Variants in GOLM2 observed in about 807,000 individuals in gnomAD.
GOLM2 encodes protein GOLM2.
In GOLM2, 26 loss-of-function variants were observed where a neutral mutation model predicts 55.9. The observed-to-expected ratio is 0.47, with a 90% CI of 0.34 to 0.65. The LOEUF is 0.65. GOLM2 is among the 30% of genes least tolerant of loss of function. GOLM2 has a pLI of 0.01. For synonymous variants in GOLM2, 165 were observed against 194.6 expected (o/e 0.85, Z 1.27); for missense variants, 486 against 531.8 (o/e 0.91, Z 0.85).
intron 9 of GOLM2, among the ~76,000 whole-genome samples, chr15:44,410,410 G>T (rs962611214): frequency 6.6e-6 from 1 of 151,974 alleles, no homozygotes; most frequent in East Asian, 1.9e-4. Flanking sequence ...CAGCCTGGGC[G>T]ACCCAGTGAG....
chr15:44,383,431 G>A (rs1390375715), intron 8 of GOLM2, among the ~76,000 whole-genome samples: 4 of 151,926 alleles, frequency 2.6e-5, no homozygotes. Flanking sequence ...AGTTATTTAA[G>A]TTTAGGGGTT....
intron 6 of GOLM2, among the ~76,000 whole-genome samples, chr15:44,339,922 C>T (rs952904496): frequency 7.9e-5 from 12 of 152,108 alleles, no homozygotes; most frequent in Non-Finnish European, 1.5e-4. Flanking sequence ...CGGGCATAAG[C>T]GATCTTCCCA....
At chr15:44,300,146 G>C (rs1378348788) in intron 1 of GOLM2, among the ~76,000 whole-genome samples, 14 of 148,370 alleles carry the variant, frequency 9.4e-5, no homozygotes. Flanking sequence ...GAGAGGAGGG[G>C]AGGGGAGGAG....
chr15:44,299,323 C>T (rs547731507), intron 1 of GOLM2, among the ~76,000 whole-genome samples: 40 of 150,952 alleles, frequency 2.6e-4, no homozygotes, highest in African/African-American at 8.3e-4. Context: ...GACAGAGTCT[C>T]GCTCTGTCGC....
rs1219468497 is a variant in GOLM2 at position 44,353,482 on chromosome 15, C to T, written c.802+15165C>T. Reference sequence around the variant, plus strand: ...TATATTAAAGAGATATTTGCACTCTCTTGTTTATTGCACTATTCGCAGTAG... The same window carrying T: ...TATATTAAAGAGATATTTGCACTCTTTTGTTTATTGCACTATTCGCAGTAG... On this transcript the variant is annotated intron_variant, in intron 6 of 9. Transcript: ENST00000299957. Among the ~76,000 whole-genome samples, 6 of 152,304 alleles carry T rather than the reference C, an allele frequency of 3.9e-5. 1 individual carries two copies. The East Asian group carries it at 1.2e-3, about 29-fold the overall frequency.
At position 44,326,463 on chromosome 15, in the gene GOLM2, G is replaced by T. The variant is rs1028926635; in HGVS notation, c.383-2222G>T. Among the ~76,000 whole-genome samples, 4 of 151,626 alleles carry T rather than the reference G, an allele frequency of 2.6e-5. No individual in the cohort carries two copies. The East Asian group carries it at 7.7e-4, about 29-fold the overall frequency. On this transcript the variant is annotated intron_variant, in intron 2 of 9. Coordinates refer to ENST00000299957, the MANE Select transcript of GOLM2 (RefSeq NM_138423.4). Reference sequence around the variant, plus strand: ...ATTTTTATTCTTCGTTATTGCCACAGTTATAATTCCACAATAAAATTTAGA... The same window carrying T: ...ATTTTTATTCTTCGTTATTGCCACATTTATAATTCCACAATAAAATTTAGA...
At chr15:44,360,224 G>C (rs2079227786) in intron 6 of GOLM2, among the ~76,000 whole-genome samples, 1 of 151,968 alleles carries the variant, frequency 6.6e-6, no homozygotes, top group African/African-American at 2.4e-5. Flanking sequence ...AATGTAAATG[G>C]ACTAAATGCT....
rs1483836139 is a variant in GOLM2, at chr15:44,328,674, T to G, written c.383-11T>G. 7 of 1,603,266 alleles carry G rather than the reference T, an allele frequency of 4.4e-6. No individual in the cohort carries two copies. Among genetic ancestry groups the G allele is most frequent in the Non-Finnish European group, 6.0e-6 (7 of 1,172,710 alleles). On this transcript the variant is annotated splice_polypyrimidine_tract_variant and intron_variant, in intron 2 of 9. Transcript: ENST00000299957. ...AACTTGATTCCTTTGGTTCTTACCT[T>G]GGGTGGATAGAGCAACTTGCTGAGC... is the stretch of plus-strand genomic sequence containing the variant.
At chr15:44,413,088 C>A (rs189983034) in intron 9 of GOLM2, among the ~76,000 whole-genome samples, 2 of 151,676 alleles carry the variant, frequency 1.3e-5, no homozygotes, top group Non-Finnish European at 2.9e-5. Flanking sequence ...TTATGTCTAT[C>A]TGGCTCTATT....
intron 6 of GOLM2, among the ~76,000 whole-genome samples, chr15:44,371,526 C>A (rs2079329383): frequency 6.6e-6 from 1 of 152,162 alleles, no homozygotes; most frequent in Non-Finnish European, 1.5e-5. Context: ...TCCCACTAAC[C>A]AGTATTTGAG....
intron 6 of GOLM2, among the ~76,000 whole-genome samples, chr15:44,378,801 A>G (rs1200709651): frequency 1.3e-5 from 2 of 151,352 alleles, no homozygotes; most frequent in African/African-American, 4.9e-5. Flanking sequence ...GTTGCAGTGC[A>G]ATGGCGCGAT....
rs1655826595 is a variant in GOLM2, at chr15:44,415,130, C to T, written c.*1724C>T. 6.6e-6 allele frequency: 1 copy of T among 152,510 alleles called. No individual in the cohort carries two copies. The highest frequency in any genetic ancestry group is 1.5e-5 in the Non-Finnish European group (1 of 68,014). 9.4% of individuals were successfully genotyped at this position (152,510 alleles called of 1,614,324 possible). A position where few individuals can be genotyped will look rare whatever the true frequency, so the allele number is the denominator to read the frequency against. On this transcript the variant is annotated 3_prime_UTR_variant, in exon 10 of 10. Coordinates refer to ENST00000299957, the MANE Select transcript of GOLM2 (RefSeq NM_138423.4). Reference sequence around the variant, plus strand: ...TGAGGTGCAAAAATTCTTAAGACTTCTGTTTGAAATTGCTCAATGACTAGG... The same window carrying T: ...TGAGGTGCAAAAATTCTTAAGACTTTTGTTTGAAATTGCTCAATGACTAGG...
Position 44,391,871 on chromosome 15 carries a change from A to G in GOLM2, c.1072+10895A>G, listed in dbSNP as rs563074512. ...TTTTATTTATTTATTTATTTTTGAG[A>G]TGGAGTTTTGCTCTTGTTGCCCAGG... On this transcript the variant is annotated intron_variant, in intron 8 of 9. Transcript: ENST00000299957. Among the ~76,000 whole-genome samples, 4 of 152,108 alleles carry G rather than the reference A, an allele frequency of 2.6e-5. No homozygotes were observed. The East Asian group carries it at 7.8e-4, about 29-fold the overall frequency.
chr15:44,379,493 A>C (rs1418531762), intron 6 of GOLM2, among the ~76,000 whole-genome samples, 197 bp from the exon 7 acceptor site: 1 of 152,112 alleles, frequency 6.6e-6, no homozygotes, highest in African/African-American at 2.4e-5. Flanking sequence ...CAAAAAAAAA[A>C]ATTCTGTGAT....
intron 1 of GOLM2, among the ~76,000 whole-genome samples, chr15:44,294,011 A>G (rs948817867): frequency 6.6e-6 from 1 of 152,048 alleles, no homozygotes; most frequent in Non-Finnish European, 1.5e-5. Context: ...ATAATCCAAT[A>G]TTAGTTTATT....
intron 1 of GOLM2, among the ~76,000 whole-genome samples, chr15:44,317,960 A>G (rs1436329399): frequency 6.6e-6 from 1 of 152,124 alleles, no homozygotes; most frequent in Non-Finnish European, 1.5e-5. Flanking sequence ...TCTCACATGT[A>G]TTTACCTCTC....
intron 8 of GOLM2, among the ~76,000 whole-genome samples, chr15:44,399,720 C>T (rs1424398392): frequency 2.0e-5 from 3 of 152,138 alleles, no homozygotes; most frequent in African/African-American, 4.8e-5. Context: ...GAAGGCCGAG[C>T]GTGGTGTCTC....
chr15:44,355,499 G>A, intron 6 of GOLM2: 1 of 163,898 alleles, frequency 6.1e-6, no homozygotes, highest in Non-Finnish European at 1.3e-5. Context: ...CCCTTCGAGG[G>A]CACACTGGGC....
intron 1 of GOLM2, among the ~76,000 whole-genome samples, chr15:44,300,000 T>A (rs1256092911): frequency 1.5e-4 from 23 of 150,466 alleles, no homozygotes; most frequent in Non-Finnish European, 3.4e-4. Context: ...CTTGGGAGGT[T>A]TAAGCTGGAG....
Sources: allele counts gnomAD v4.1 joint callset (sites outside exome capture counted in the v4.1 genomes callset), GRCh38; gene constraint gnomAD v4.1.1; transcripts MANE v1.5; gene names NCBI Gene and HGNC (gene_info 2026-07-23, HGNC 2026-07-21).